The following COL4A4 variants were observed in gnomAD, a reference collection of about 807,000 sequenced individuals.
The protein encoded by COL4A4 is collagen type IV alpha 4 chain, also known as collagen alpha-4(IV) chain.
A neutral mutation model predicts 192.9 loss-of-function variants in COL4A4; 105 were observed. That is an observed-to-expected ratio of 0.54 (90% confidence interval 0.46 to 0.64). The LOEUF (loss-of-function observed/expected upper bound fraction) is 0.64, where lower values mean the gene tolerates loss of function less well. Ranked by LOEUF, COL4A4 falls within the 30% of genes least tolerant of loss-of-function variation. The pLI, the probability that COL4A4 is intolerant of heterozygous loss-of-function variation, is 0.00. For synonymous variants in COL4A4, 762 were observed against 769.9 expected, an observed-to-expected ratio of 0.99 and a Z score of 0.17; for missense variants, 1,967 against 2,169.3, an observed-to-expected ratio of 0.91 and a Z score of 1.85.
intron 26 of COL4A4, among the ~76,000 whole-genome samples, chr2:227,060,589 G>T (rs1976701458): frequency 6.6e-6 from 1 of 152,094 alleles, no homozygotes; most frequent in Admixed American, 6.5e-5. Context: ...CCCTTGTAGG[G>T]GTAAAGAGGT....
the COL4A4 span, among the ~76,000 whole-genome samples, chr2:226,994,665 TC>T: frequency 6.6e-6 from 1 of 152,214 alleles, no homozygotes; most frequent in East Asian, 1.9e-4. Context: ...TGAAGCTCTT[TC>T]ATTACCTTTA....
intron 36 of COL4A4, 35 bp from the exon 37 acceptor site, chr2:227,042,290 A>T: frequency 8.3e-7 from 1 of 1,198,828 alleles, no homozygotes; most frequent in Admixed American, 1.7e-5. Context: ...AGATGGCCAG[A>T]TAATAAATGA....
At chr2:227,155,625 C>T (rs776014631) in intron 1 of COL4A4, among the ~76,000 whole-genome samples, 3 of 152,136 alleles carry the variant, frequency 2.0e-5, no homozygotes. Context: ...TTGCCTTGGG[C>T]GTGAACTCCA....
At chr2:226,999,736 A>C (rs1468497755), downstream of COL4A4, among the ~76,000 whole-genome samples, 2 of 152,218 alleles carry the variant, frequency 1.3e-5, no homozygotes, top group Non-Finnish European at 2.9e-5. Flanking sequence ...CAATGGCATC[A>C]TGTGGCTTAA....
At chr2:227,137,042 C>T (rs780168717) in intron 4 of COL4A4, among the ~76,000 whole-genome samples, 4 of 152,184 alleles carry the variant, frequency 2.6e-5, no homozygotes, top group Admixed American at 6.5e-5. Flanking sequence ...TGCAGCCTTC[C>T]CATGGAAAAC....
chr2:227,093,880 A>T (rs1025288655), intron 20 of COL4A4, among the ~76,000 whole-genome samples: 2 of 151,816 alleles, frequency 1.3e-5, no homozygotes, highest in African/African-American at 2.4e-5. Context: ...AACTACATTT[A>T]AAAAAAATTG....
At chr2:227,041,914 GAA>G (rs748472056) in intron 37 of COL4A4, among the ~76,000 whole-genome samples, 10 of 150,672 alleles carry the variant, frequency 6.6e-5, no homozygotes, top group Admixed American at 3.3e-4. Flanking sequence ...AAGAAAGAAA[GAA>G]AGAAAGAAAA....
chr2:227,026,887 A>T (rs1454653668), intron 42 of COL4A4, among the ~76,000 whole-genome samples: 1 of 152,368 alleles, frequency 6.6e-6, no homozygotes, highest in Non-Finnish European at 1.5e-5. Context: ...AATTGAATAT[A>T]CGATCCTAAC....
chr2:227,099,269 G>A (rs1049005007), intron 18 of COL4A4, among the ~76,000 whole-genome samples: 4 of 152,122 alleles, frequency 2.6e-5, no homozygotes, highest in African/African-American at 9.7e-5. Flanking sequence ...ATTTCACCAT[G>A]TTGGCCAGGC....
intron 43 of COL4A4, 128 bp downstream of exon 43, chr2:227,025,674 T>C (rs909938384): frequency 6.2e-6 from 5 of 809,176 alleles, no homozygotes; most frequent in Admixed American, 2.3e-5. Context: ...CAGCTTAATA[T>C]CCTTACAGCA....
In COL4A4 at chr2:227,082,155, G is replaced by A. The variant is rs1183956150; in HGVS notation, c.1656C>T (p.Asn552=). 3.1e-6 allele frequency: 5 copies of A among 1,614,124 alleles called. No individual in the cohort carries two copies. In the South Asian group the frequency reaches 3.3e-5, roughly 11 times the overall value. Residue 552 remains asparagine, a synonymous_variant, in exon 23 of 48, where the codon AAC becomes AAT. Coordinates refer to ENST00000396625, the MANE Select transcript of COL4A4 (RefSeq NM_000092.5). ...CAACCATGTCACCCTTCGCCCCTTT[G>A]TTGCCAGGTGGTCCAGAGGCACCAT... ...GKHGASGPPG[N]KGAKGDMVVS...
intron 37 of COL4A4, among the ~76,000 whole-genome samples, chr2:227,040,568 CTT>C (rs66552238): frequency 2.8e-3 from 396 of 140,998 alleles, no homozygotes; most frequent in African/African-American, 8.2e-3. Flanking sequence ...AATACTTTTT[CTT>C]TTTTTTTTTT....
At chr2:227,013,502 C>A (rs1416438614) in intron 44 of COL4A4, among the ~76,000 whole-genome samples, 1 of 152,126 alleles carries the variant, frequency 6.6e-6, no homozygotes, top group African/African-American at 2.4e-5. Context: ...GACACAGAAA[C>A]GGACCCCAGG....
intron 37 of COL4A4, among the ~76,000 whole-genome samples, chr2:227,040,178 C>T (rs554937663): frequency 1.3e-5 from 2 of 152,312 alleles, no homozygotes; most frequent in South Asian, 4.1e-4. Flanking sequence ...CAACTCAGTA[C>T]CTTCTGAAAG....
In COL4A4 at chr2:227,088,832, A is replaced by G. The variant is rs2150597479; in HGVS notation, c.1460-16T>C. On this transcript the variant is annotated splice_polypyrimidine_tract_variant and intron_variant, in intron 21 of 47. Coordinates refer to ENST00000396625, the MANE Select transcript of COL4A4 (RefSeq NM_000092.5). ...CCTTCATTTCCTAGACAGAGGATCA[A>G]TGGCAGATTTGTCATATTTCCTGAA... 1 of 1,614,002 alleles carries G rather than the reference A, an allele frequency of 6.2e-7. No homozygotes were observed. The highest frequency in any genetic ancestry group is 8.5e-7 in the Non-Finnish European group (1 of 1,179,982).
chr2:227,148,873 C>T (rs1489837995), intron 1 of COL4A4, among the ~76,000 whole-genome samples: 1 of 147,452 alleles, frequency 6.8e-6, no homozygotes, highest in Non-Finnish European at 1.5e-5. Flanking sequence ...CGGGGTTTTG[C>T]TCTTATGGCC....
chr2:227,121,572 AAAAAG>A (rs1303256606), intron 4 of COL4A4, among the ~76,000 whole-genome samples: 4 of 135,144 alleles, frequency 3.0e-5, no homozygotes, highest in East Asian at 2.0e-4. Flanking sequence ...AAAAAAAAAA[AAAAAG>A]AAAAGAAAAG....
chr2:227,122,130 C>G (rs369151410), intron 4 of COL4A4, among the ~76,000 whole-genome samples: 1 of 152,166 alleles, frequency 6.6e-6, no homozygotes, highest in Non-Finnish European at 1.5e-5. Context: ...TTATGGGGCT[C>G]CTACCTCAGA....
At chr2:227,063,861 G>C (rs80080466) in intron 25 of COL4A4, among the ~76,000 whole-genome samples, 1,698 of 151,810 alleles carry the variant, frequency 0.011, 12 homozygotes, top group Non-Finnish European at 0.018. Flanking sequence ...TTTTAATATA[G>C]TCAGATTGTA....
Sources: gnomAD v4.1 joint callset for allele counts (sites outside exome capture counted in the v4.1 genomes callset) on GRCh38, gnomAD v4.1.1 for gene constraint, MANE v1.5 for transcripts, NCBI Gene and HGNC (gene_info 2026-07-23, HGNC 2026-07-21) for gene names.